The following PIGG variants were observed in gnomAD, a reference collection of about 807,000 sequenced individuals.
The protein encoded by PIGG is GPI ethanolamine phosphate transferase 2, catalytic subunit.
Under a neutral mutation model 83.2 loss-of-function variants are expected in PIGG, and 70 were observed. The ratio of observed to expected loss-of-function variants is 0.84; its 90% CI spans 0.69 to 1.03. The LOEUF is 1.03. Among genes scored for constraint, PIGG ranks in the 50% least tolerant of loss-of-function variants. The pLI is 0.00. For synonymous variants in PIGG, 532 were observed against 519.5 expected, an observed-to-expected ratio of 1.02 and a Z score of -0.33; for missense variants, 1,257 against 1,233.6, an observed-to-expected ratio of 1.02 and a Z score of -0.28.
intron 1 of PIGG, chr4:500,140 C>A: frequency 2.1e-6 from 1 of 481,756 alleles, no homozygotes; most frequent in Non-Finnish European, 3.7e-6. Context: ...CGTAGGGATT[C>A]TCCTACCCCA....
chr4:506,009 T>C (rs1719554758), intron 3 of PIGG, 82 bp downstream of exon 3: 1 of 894,578 alleles, frequency 1.1e-6, no homozygotes, highest in African/African-American at 1.7e-5. Context: ...TAGTGAGAGA[T>C]GATACCATTT....
rs1370103164 is a variant in PIGG at position 528,706 on chromosome 4, T to C, written c.2261+1476T>C. 5.1e-6 allele frequency: 5 copies of C among 985,256 alleles called. No homozygotes were observed. Among genetic ancestry groups the C allele is most frequent in the Non-Finnish European group, 6.0e-6 (5 of 829,886 alleles). 61.0% of individuals were successfully genotyped at this position (985,256 alleles called of 1,614,324 possible). ...GTTTAAGGTGCAGCGTATGAATAAA[T>C]TCATTTCCTCACAGATCTATACACT... On this transcript the variant is annotated intron_variant, in intron 10 of 12. Transcript: ENST00000453061. The surrounding 1 kb of genome is among the most constrained non-coding windows in gnomAD (Gnocchi z 4.8).
At chr4:509,642 T>C (rs1239439299) in intron 5 of PIGG, among the ~76,000 whole-genome samples, 3 of 152,216 alleles carry the variant, frequency 2.0e-5, no homozygotes, top group African/African-American at 7.2e-5. Flanking sequence ...TTCAGCACCC[T>C]TAGTGCTGCT....
chr4:526,435 T>C lies in PIGG; in HGVS notation c.2070-604T>C, dbSNP rs73794933. On this transcript the variant is annotated intron_variant, in intron 9 of 12. Coordinates refer to ENST00000453061, the MANE Select transcript of PIGG (RefSeq NM_001127178.3). ...GCATCGCGGTCGGGACTCCGGGCTCTGCCCTCTGACAGGCCGTCAACCTCT... is the reference window on the plus strand; with the variant it reads ...GCATCGCGGTCGGGACTCCGGGCTCCGCCCTCTGACAGGCCGTCAACCTCT... Among the ~76,000 whole-genome samples, 576 of 152,368 alleles carry C rather than the reference T, an allele frequency of 3.8e-3. 4 individuals carry two copies. Among genetic ancestry groups the C allele is most frequent in the African/African-American group, 0.013 (558 of 41,592 alleles).
At chr4:538,972 C>T (rs1422850743) in intron 12 of PIGG, among the ~76,000 whole-genome samples, 181 bp from the exon 13 acceptor site, 3 of 152,174 alleles carry the variant, frequency 2.0e-5, no homozygotes, top group Middle Eastern at 3.2e-3. Flanking sequence ...CCGTCTCCAG[C>T]GCATCTGGAG....
intron 2 of PIGG, among the ~76,000 whole-genome samples, chr4:503,019 T>C (rs1178896497): frequency 2.0e-5 from 3 of 152,076 alleles, no homozygotes; most frequent in African/African-American, 4.8e-5. Flanking sequence ...CCAATAAGCA[T>C]ATGCAGAGAT....
At chr4:538,741 C>G (rs916100296) in intron 12 of PIGG, among the ~76,000 whole-genome samples, 1 of 152,314 alleles carries the variant, frequency 6.6e-6, no homozygotes, top group East Asian at 1.9e-4. Context: ...CAGAGTGGCA[C>G]TTCCAGCACA....
At chr4:530,195 A>G (rs572808440) in intron 10 of PIGG, among the ~76,000 whole-genome samples, 1 of 152,156 alleles carries the variant, frequency 6.6e-6, no homozygotes, top group African/African-American at 2.4e-5. Context: ...CCAGCGGAAG[A>G]GTCTGCACGA....
At position 530,719 on chromosome 4, in the gene PIGG, T is replaced by C; in HGVS notation, c.2545T>C (p.Phe849Leu). 1 of 1,612,230 alleles carries C rather than the reference T, an allele frequency of 6.2e-7. No individual in the cohort carries two copies. ...TGAGATTACTGTGATGCATTATTGGTTTGGTCAAGCATTCTTCTATTTTCA... is the reference window on the plus strand; with the variant it reads ...TGAGATTACTGTGATGCATTATTGGCTTGGTCAAGCATTCTTCTATTTTCA... ...AAEITVMHYW[F>L]GQAFFYFQGN... The change falls in exon 11 of 13, where the codon TTT becomes CTT. Residue 849 changes from phenylalanine to leucine, a missense_variant. Coordinates refer to ENST00000453061, the MANE Select transcript of PIGG (RefSeq NM_001127178.3).
intron 9 of PIGG, chr4:524,467 G>C (rs1422677394): frequency 6.5e-6 from 1 of 152,822 alleles, no homozygotes; most frequent in African/African-American, 2.4e-5. Flanking sequence ...CGAGGGCAAA[G>C]CAGGAGCCAG....
chr4:512,793 G>A (rs923653849), intron 5 of PIGG, among the ~76,000 whole-genome samples: 14 of 152,134 alleles, frequency 9.2e-5, no homozygotes, highest in East Asian at 2.0e-4. Flanking sequence ...CCAGCTTGGC[G>A]ACGGAGTGAG....
chr4:504,650 T>C (rs1718966523), intron 2 of PIGG, among the ~76,000 whole-genome samples: 1 of 152,336 alleles, frequency 6.6e-6, no homozygotes, highest in African/African-American at 2.4e-5. Context: ...TCGGTAAAAT[T>C]ATTTCACCTG....
In PIGG at chr4:525,418, G is replaced by C. The variant is rs933979696; in HGVS notation, c.2069+1505G>C. ...CGGCGAGAGTAACAGCAAGGGTTGC[G>C]GTCCCGTCACTGCAGAGAACTCCTG... On this transcript the variant is annotated intron_variant, in intron 9 of 12. Transcript: ENST00000453061. The C allele has an allele frequency of 3.2e-6, 3 of 938,988 alleles. No individual in the cohort carries two copies. In the South Asian group the frequency reaches 1.5e-4, roughly 46 times the overall value. The allele number at this position is 938,988 out of a possible 1,614,324, so 58.2% of individuals were successfully genotyped here.
intron 12 of PIGG, among the ~76,000 whole-genome samples, chr4:537,906 C>CCACTT (rs1731057755): frequency 6.6e-6 from 1 of 152,182 alleles, no homozygotes; most frequent in Non-Finnish European, 1.5e-5. Flanking sequence ...GAAGCAGGAG[C>CCACTT]CACTTACAGG....
intron 12 of PIGG, among the ~76,000 whole-genome samples, chr4:535,392 G>C (rs566142989): frequency 6.5e-4 from 67 of 103,010 alleles, no homozygotes; most frequent in African/African-American, 3.4e-3. Flanking sequence ...TCCCCGCAGC[G>C]CCTATGCATT....
intron 5 of PIGG, among the ~76,000 whole-genome samples, chr4:512,891 G>A (rs1722647560): frequency 6.6e-6 from 1 of 152,088 alleles, no homozygotes; most frequent in South Asian, 2.1e-4. Context: ...AAGAGCATGG[G>A]GAGATGGGAA....
chr4:505,978 A>G, intron 3 of PIGG, 51 bp downstream of exon 3: 1 of 1,214,886 alleles, frequency 8.2e-7, no homozygotes, highest in Non-Finnish European at 1.2e-6. Context: ...CATACTAGAT[A>G]GAGCCTGGCA....
At chr4:517,202 G>C (rs745996286) in intron 6 of PIGG, among the ~76,000 whole-genome samples, 1 of 152,162 alleles carries the variant, frequency 6.6e-6, no homozygotes, top group Non-Finnish European at 1.5e-5. Flanking sequence ...AGGCGCCCTC[G>C]TGGAGGATTC....
chr4:510,006 C>T (rs546209374), intron 5 of PIGG, among the ~76,000 whole-genome samples: 365 of 145,578 alleles, frequency 2.5e-3, no homozygotes, highest in African/African-American at 8.9e-3. Flanking sequence ...ACCATGATCT[C>T]CACCTGACCT....
Sources: allele counts gnomAD v4.1 joint callset (sites outside exome capture counted in the v4.1 genomes callset), GRCh38; gene constraint gnomAD v4.1.1; non-coding constraint Gnocchi (gnomAD v3.1); transcripts MANE v1.5; gene names NCBI Gene and HGNC (gene_info 2026-07-23, HGNC 2026-07-21).